MCU: variants seen among roughly 807,000 people sequenced by gnomAD.
The protein encoded by MCU is mitochondrial calcium uniporter.
MCU carries 12 observed loss-of-function variants against 45.2 expected under a neutral mutation model. That is an observed-to-expected ratio of 0.27 (90% CI 0.17 to 0.43). The LOEUF is 0.43. MCU is among the 20% of genes least tolerant of loss of function. The pLI is 1.00. For missense variants in MCU, 324 were observed against 436.7 expected (o/e 0.74, Z 2.30); for synonymous variants, 160 against 165.1 (o/e 0.97, Z 0.24).
At chr10:72,862,658 T>TC (rs1400527386) in intron 4 of MCU, among the ~76,000 whole-genome samples, 1 of 152,160 alleles carries the variant, frequency 6.6e-6, no homozygotes. Flanking sequence ...ACTGGCCTCC[T>TC]CCTGTGCAGC....
At chr10:72,742,991 G>A (rs1009553131) in intron 1 of MCU, among the ~76,000 whole-genome samples, 4 of 152,058 alleles carry the variant, frequency 2.6e-5, no homozygotes, top group Admixed American at 6.6e-5. Context: ...ATGTGAGAGT[G>A]TGTGAGAGAG....
intron 1 of MCU, among the ~76,000 whole-genome samples, chr10:72,696,778 GCCCTTTATCTCCTCTCCCTATCC>G: frequency 6.6e-6 from 1 of 152,166 alleles, no homozygotes. Flanking sequence ...GAAAAGATAT[GCCCTTTATCTCCTCTCCCTATCC>G]CCCTACCCCC....
chr10:72,868,107 A>G (rs887316132), intron 4 of MCU, among the ~76,000 whole-genome samples: 1 of 152,078 alleles, frequency 6.6e-6, no homozygotes, highest in African/African-American at 2.4e-5. Context: ...GATCATTATT[A>G]TTTGTATTAT....
At chr10:72,753,596 C>T (rs567715921) in intron 1 of MCU, among the ~76,000 whole-genome samples, 4 of 152,230 alleles carry the variant, frequency 2.6e-5, no homozygotes, top group Admixed American at 1.3e-4. Context: ...CATAATGGGC[C>T]GGGCGTAATG....
chr10:72,779,408 G>A (rs1843953779), intron 1 of MCU, among the ~76,000 whole-genome samples: 1 of 152,146 alleles, frequency 6.6e-6, no homozygotes, highest in Non-Finnish European at 1.5e-5. Context: ...AACACTAGAG[G>A]CACAAGTGAC....
intron 4 of MCU, among the ~76,000 whole-genome samples, chr10:72,863,211 A>T (rs1028412117): frequency 5.3e-5 from 8 of 152,192 alleles, no homozygotes; most frequent in Non-Finnish European, 2.9e-5. Flanking sequence ...GCCTTTAATG[A>T]TCATACTCTT....
chr10:72,765,558 C>CA (rs1843713511), intron 1 of MCU, among the ~76,000 whole-genome samples: 1 of 151,954 alleles, frequency 6.6e-6, no homozygotes, highest in Non-Finnish European at 1.5e-5. Flanking sequence ...TTTTGGAAGG[C>CA]AAAGGCAGGA....
chr10:72,776,883 A>G (rs1843902718), intron 1 of MCU, among the ~76,000 whole-genome samples: 1 of 152,216 alleles, frequency 6.6e-6, no homozygotes, highest in Non-Finnish European at 1.5e-5. Context: ...AGGATACAAA[A>G]TCAACATACA....
At chr10:72,709,254 A>C (rs1201364207) in intron 1 of MCU, among the ~76,000 whole-genome samples, 3 of 152,310 alleles carry the variant, frequency 2.0e-5, no homozygotes, top group Non-Finnish European at 4.4e-5. Flanking sequence ...GCACTGCCAG[A>C]ATTCTGATAG....
At position 72,697,462 on chromosome 10, in the gene MCU, C is replaced by G. The variant is rs539745644; in HGVS notation, c.150+5161C>G. ...TTTTTTTTTTTTTTTGAGACAGATT[C>G]TCGCTCTGTTGCCCAGGCTGGAGTG... On this transcript the variant is annotated intron_variant, in intron 1 of 7. Coordinates refer to ENST00000373053, the MANE Select transcript of MCU (RefSeq NM_138357.3). 2.1e-4 allele frequency among the ~76,000 whole-genome samples: 16 copies of G among 75,342 alleles called. 1 individual carries two copies. The highest frequency in any genetic ancestry group is 0.017 in the Middle Eastern group (1 of 58). The allele number at this position is 75,342 out of a possible 152,430, so 49.4% of individuals were successfully genotyped here.
In MCU at chr10:72,692,202, C is replaced by CGGG; in HGVS notation, c.53_54insGGG (p.Gly22dup). The CGGG allele has an allele frequency of 2.4e-6, 3 of 1,253,416 alleles. No individual in the cohort carries two copies. The allele number at this position is 1,253,416 out of a possible 1,614,324, so 77.6% of individuals were successfully genotyped here. ...TCCTGCTGCTCCTCTCCTCTCGGGG[C>CGGG]GGCGGCGGCGGGGGCGCCGGCGGCT... On this transcript the variant is annotated inframe_insertion, in exon 1 of 8. Coordinates refer to ENST00000373053, the MANE Select transcript of MCU (RefSeq NM_138357.3).
intron 1 of MCU, among the ~76,000 whole-genome samples, chr10:72,771,360 A>G (rs552130916): frequency 6.6e-6 from 1 of 152,262 alleles, no homozygotes; most frequent in Admixed American, 6.5e-5. Context: ...GTCCCTGTAA[A>G]GGACACAAAC....
intron 1 of MCU, among the ~76,000 whole-genome samples, chr10:72,748,070 C>T (rs1292404415): frequency 9.6e-5 from 14 of 146,292 alleles, no homozygotes; most frequent in African/African-American, 3.0e-4. Flanking sequence ...TTTTTTGAGA[C>T]GGAGTCTTGC....
chr10:72,869,355 C>G (rs747178438), intron 5 of MCU, among the ~76,000 whole-genome samples: 7 of 152,236 alleles, frequency 4.6e-5, no homozygotes, highest in Non-Finnish European at 1.0e-4. Context: ...GAGGCCAAGG[C>G]AGGCAGATCA....
intron 6 of MCU, among the ~76,000 whole-genome samples, chr10:72,880,657 G>A (rs1845688299): frequency 6.6e-6 from 1 of 152,186 alleles, no homozygotes; most frequent in Admixed American, 6.5e-5. Flanking sequence ...GTATGAAAAT[G>A]TAAAAGACTA....
At position 72,782,925 on chromosome 10, in the gene MCU, T is replaced by C. The variant is rs1844017241; in HGVS notation, c.151-51434T>C. On this transcript the variant is annotated intron_variant, in intron 1 of 7. Coordinates refer to ENST00000373053, the MANE Select transcript of MCU (RefSeq NM_138357.3). ...GAAATATTTGTGACTGGTTATGTCTTTCACTGAACCTAAGGCAAACCTGAG... is the reference window on the plus strand; with the variant it reads ...GAAATATTTGTGACTGGTTATGTCTCTCACTGAACCTAAGGCAAACCTGAG... Among the ~76,000 whole-genome samples, 5 of 152,236 alleles carry C rather than the reference T, an allele frequency of 3.3e-5. No individual in the cohort carries two copies. In the South Asian group the frequency reaches 1.0e-3, roughly 31 times the overall value.
intron 2 of MCU, among the ~76,000 whole-genome samples, chr10:72,844,436 G>T (rs1193346084): frequency 2.0e-5 from 3 of 151,934 alleles, no homozygotes; most frequent in Non-Finnish European, 4.4e-5. Context: ...GGGCATGGAG[G>T]CATACACCTG....
At position 72,812,555 on chromosome 10, in the gene MCU, T is replaced by G. The variant is rs935218384; in HGVS notation, c.151-21804T>G. ...AGAGAACAGAATTCTATGCAGAGATTTAGTGGTTGAAGACATGATGCAAAA... is the reference window on the plus strand; with the variant it reads ...AGAGAACAGAATTCTATGCAGAGATGTAGTGGTTGAAGACATGATGCAAAA... On this transcript the variant is annotated intron_variant, in intron 1 of 7. Transcript: ENST00000373053. Among the ~76,000 whole-genome samples, 3 of 152,010 alleles carry G rather than the reference T, an allele frequency of 2.0e-5. No homozygotes were observed. The South Asian group carries it at 6.2e-4, about 32-fold the overall frequency.
intron 6 of MCU, among the ~76,000 whole-genome samples, chr10:72,872,531 C>G (rs964868539): frequency 3.9e-5 from 6 of 152,102 alleles, no homozygotes; most frequent in Admixed American, 3.9e-4. Context: ...TCTTTCTGTC[C>G]CTGGCCTATT....
Sources: allele counts gnomAD v4.1 joint callset (sites outside exome capture counted in the v4.1 genomes callset), GRCh38; gene constraint gnomAD v4.1.1; transcripts MANE v1.5; gene names NCBI Gene and HGNC (gene_info 2026-07-23, HGNC 2026-07-21).